Variants in RRM2 observed in about 807,000 individuals in gnomAD.
The protein encoded by RRM2 is ribonucleoside-diphosphate reductase subunit M2.
RRM2 carries 6 observed loss-of-function variants against 45.9 expected under a neutral mutation model. The observed-to-expected ratio is 0.13, with a 90% CI of 0.07 to 0.26. RRM2 has a LOEUF of 0.26. RRM2 is among the 10% of genes least tolerant of loss of function. The pLI, the probability that RRM2 is intolerant of heterozygous loss-of-function variation, is 1.00. For missense variants in RRM2, 343 were observed against 489.5 expected, an observed-to-expected ratio of 0.70 and a Z score of 2.82; for synonymous variants, 177 against 173.0, an observed-to-expected ratio of 1.02 and a Z score of -0.18.
chr2:10,155,990 G>C (rs1017780905), intron 3 of RRM2: 1 of 152,324 alleles, frequency 6.6e-6, no homozygotes, highest in African/African-American at 2.4e-5. Flanking sequence ...GAGCCCGCCA[G>C]CCCACACTGC....
chr2:10,171,855 G>C lies in RRM2; in HGVS notation n.482+29480G>C, dbSNP rs1204249498. Among the ~76,000 whole-genome samples, 2 of 152,204 alleles carry C rather than the reference G, an allele frequency of 1.3e-5. No individual in the cohort carries two copies. Among genetic ancestry groups the C allele is most frequent in the South Asian group, 4.1e-4 (2 of 4,830 alleles). On this transcript the variant is annotated intron_variant and non_coding_transcript_variant, in intron 3 of 3. Coordinates refer to the RRM2 transcript ENST00000381786. This position sits in a 1 kb window ranked among gnomAD's most constrained non-coding sequence, Gnocchi z 4.1. Reference sequence around the variant, plus strand: ...GCACTGTTCTGGACACGAGGTCTCAGGAACAAACAAAATATACAGAAACTT... The same window carrying C: ...GCACTGTTCTGGACACGAGGTCTCACGAACAAACAAAATATACAGAAACTT...
At chr2:10,135,680 C>T (rs1252763055), downstream of RRM2, among the ~76,000 whole-genome samples, 6 of 152,212 alleles carry the variant, frequency 3.9e-5, no homozygotes, top group East Asian at 1.2e-3. Flanking sequence ...CAAATTCTAG[C>T]TATAAATGAT....
chr2:10,126,165 A>G (rs917820824), intron 5 of RRM2, among the ~76,000 whole-genome samples: 1 of 19,160 alleles, frequency 5.2e-5, no homozygotes, highest in Non-Finnish European at 1.3e-4. Context: ...ATCTCTTTAA[A>G]AAAAAAAAAA....
intron 3 of RRM2, among the ~76,000 whole-genome samples, chr2:10,165,542 G>A (rs1663662280): frequency 1.3e-5 from 2 of 152,214 alleles, no homozygotes; most frequent in Admixed American, 1.3e-4. Context: ...TAAGGCTTCC[G>A]CCGCTCAGCT....
exon 3 of RRM2, chr2:10,142,344 C>T: frequency 4.4e-6 from 6 of 1,378,254 alleles, no homozygotes; most frequent in Non-Finnish European, 5.8e-6. Context: ...CGGGGTGCGC[C>T]AGTGGAAGCG....
chr2:10,157,594 C>T (rs1663461274), intron 3 of RRM2, among the ~76,000 whole-genome samples: 1 of 152,162 alleles, frequency 6.6e-6, no homozygotes, highest in Non-Finnish European at 1.5e-5. Context: ...AAGGATGGTA[C>T]ACTTTTTGGT....
chr2:10,156,941 G>A (rs780059400), intron 3 of RRM2, among the ~76,000 whole-genome samples: 2 of 151,552 alleles, frequency 1.3e-5, no homozygotes, highest in Non-Finnish European at 2.9e-5. Flanking sequence ...ACAGTGCCCA[G>A]CCAGAGGAAC....
intron 3 of RRM2, among the ~76,000 whole-genome samples, chr2:10,200,622 C>T (rs1466278120): frequency 1.2e-5 from 1 of 86,184 alleles, no homozygotes; most frequent in East Asian, 2.9e-4. Flanking sequence ...GGACCGCGCG[C>T]GCAAAATATG....
At chr2:10,122,727 G>A, upstream of RRM2, 5 of 1,551,804 alleles carry the variant, frequency 3.2e-6, no homozygotes, top group Non-Finnish European at 4.4e-6. Flanking sequence ...CTGCTGGAGT[G>A]AGGGGTCGCC....
At chr2:10,125,290 C>T (rs1181871111) in intron 5 of RRM2, among the ~76,000 whole-genome samples, 3 of 152,138 alleles carry the variant, frequency 2.0e-5, no homozygotes, top group Non-Finnish European at 2.9e-5. Flanking sequence ...CAGCAGTGAA[C>T]CCTGAGACTG....
intron 3 of RRM2, among the ~76,000 whole-genome samples, chr2:10,209,453 T>C (rs182777259): frequency 3.7e-4 from 56 of 152,334 alleles, no homozygotes; most frequent in African/African-American, 1.3e-3. Flanking sequence ...GTAGACACTA[T>C]TGTTTTGTCT....
At chr2:10,142,307 C>A (rs1001801857) in exon 3 of RRM2, 11 of 1,399,850 alleles carry the variant, frequency 7.9e-6, no homozygotes, top group Non-Finnish European at 8.6e-6. Context: ...AAAGGGAATC[C>A]CCTGCTTCTG....
chr2:10,162,417 C>T (rs72786683), intron 3 of RRM2, among the ~76,000 whole-genome samples: 6,482 of 152,182 alleles, frequency 0.043, 142 homozygotes, highest in Middle Eastern at 0.085. Flanking sequence ...GGATGAGTCT[C>T]AGCTCTGCCA....
At chr2:10,128,172 A>G (rs1163222390) in intron 7 of RRM2, among the ~76,000 whole-genome samples, 2 of 152,194 alleles carry the variant, frequency 1.3e-5, no homozygotes, top group Admixed American at 1.3e-4. Context: ...GAATGTTCAT[A>G]GTAGCCATTA....
chr2:10,142,850 C>T lies in RRM2; in HGVS notation n.482+475C>T, dbSNP rs1238304043. 2.0e-5 allele frequency among the ~76,000 whole-genome samples: 3 copies of T among 152,352 alleles called. No individual in the cohort carries two copies. The South Asian group carries it at 6.2e-4, about 32-fold the overall frequency. Reference sequence around the variant, plus strand: ...CCCGCTCACCTCTGCCTTGAACCTTCCTGAGTCTGAGCTTCTTTTTTGTTT... The same window carrying T: ...CCCGCTCACCTCTGCCTTGAACCTTTCTGAGTCTGAGCTTCTTTTTTGTTT... On this transcript the variant is annotated intron_variant and non_coding_transcript_variant, in intron 3 of 3. Coordinates refer to the RRM2 transcript ENST00000381786.
chr2:10,187,103 G>A (rs369986591), intron 3 of RRM2, among the ~76,000 whole-genome samples: 5 of 152,218 alleles, frequency 3.3e-5, no homozygotes, highest in African/African-American at 7.2e-5. Flanking sequence ...GCTGCATGGC[G>A]TTTCCTGCCG....
chr2:10,193,325 G>A (rs1339336467), intron 3 of RRM2, among the ~76,000 whole-genome samples: 1 of 152,136 alleles, frequency 6.6e-6, no homozygotes, highest in Non-Finnish European at 1.5e-5. Context: ...GCTGCTGTGG[G>A]GCAGGGAGAC....
chr2:10,198,275 TCTC>T (rs967123678), intron 3 of RRM2, among the ~76,000 whole-genome samples: 4 of 152,070 alleles, frequency 2.6e-5, no homozygotes, highest in Admixed American at 6.5e-5. Flanking sequence ...CTAACTAACA[TCTC>T]CTCCAAAGTC....
At chr2:10,208,700 T>C (rs1316322483) in intron 3 of RRM2, among the ~76,000 whole-genome samples, 1 of 152,220 alleles carries the variant, frequency 6.6e-6, no homozygotes, top group Non-Finnish European at 1.5e-5. Flanking sequence ...ATTTGGCATC[T>C]TTCTCTCCCA....
Sources: gnomAD v4.1 joint callset for allele counts (sites outside exome capture counted in the v4.1 genomes callset) on GRCh38, gnomAD v4.1.1 for gene constraint, Gnocchi (gnomAD v3.1) non-coding constraint, MANE v1.5 for transcripts, NCBI Gene and HGNC (gene_info 2026-07-23, HGNC 2026-07-21) for gene names.